PDXDC1: variants seen among roughly 807,000 people sequenced by gnomAD.
The protein encoded by PDXDC1 is pyridoxal dependent decarboxylase domain containing 1, also known as pyridoxal-dependent decarboxylase domain-containing protein 1.
PDXDC1 carries 42 observed loss-of-function variants against 100.1 expected under a neutral mutation model. That is an observed-to-expected ratio of 0.42 (90% confidence interval 0.33 to 0.54). The LOEUF is 0.54. PDXDC1 is among the 20% of genes least tolerant of loss of function. The probability of loss-of-function intolerance (pLI) is 0.10; values close to 1 mark genes in which losing one functional copy is unlikely to be tolerated. For synonymous variants in PDXDC1, 260 were observed against 371.7 expected (o/e 0.70, Z 3.46); for missense variants, 636 against 979.2 (o/e 0.65, Z 4.68).
In PDXDC1 at chr16:15,034,528, G is replaced by C; in HGVS notation, c.1977G>C (p.Lys659Asn). ...NWFSPVQALQ[K>N]GRTFNLTAGS... The stretch of plus-strand genomic sequence containing the variant: ...TTTCTCCGGTCCAGGCTTTACAGAA[G>C]GGAAGAACTTTTAACTTGACAGCAG... The change falls in exon 21 of 23, where the codon AAG (lysine) becomes AAC (asparagine). Residue 659 changes from lysine (K) to asparagine (N), a missense_variant. Physicochemically the swap from Lys to Asn is moderately conservative, Grantham distance 94 (BLOSUM62 0). Transcript: ENST00000396410. 6.2e-7 allele frequency: 1 copy of C among 1,613,972 alleles called. No homozygotes were observed. The highest frequency in any genetic ancestry group is 8.5e-7 in the Non-Finnish European group (1 of 1,179,894).
intron 16 of PDXDC1, among the ~76,000 whole-genome samples, chr16:15,053,901 A>G (rs970453636): frequency 1.3e-5 from 2 of 152,130 alleles, no homozygotes; most frequent in African/African-American, 4.8e-5. Context: ...CACAGAACAA[A>G]ACTAAGTCTC....
At chr16:14,989,526 G>T in intron 1 of PDXDC1, 1 of 1,610,418 alleles carries the variant, frequency 6.2e-7, no homozygotes, top group Non-Finnish European at 8.5e-7. Context: ...CACGCGCTCC[G>T]TGGGGTTGTT....
downstream of PDXDC1, among the ~76,000 whole-genome samples, chr16:15,141,054 C>T (rs963799214): frequency 2.7e-5 from 4 of 150,424 alleles, no homozygotes; most frequent in African/African-American, 1.0e-4. Flanking sequence ...CTACCGGCCT[C>T]CATCCCTGAG....
At chr16:15,011,638 T>C (rs1285733173) in intron 8 of PDXDC1, among the ~76,000 whole-genome samples, 2 of 107,276 alleles carry the variant, frequency 1.9e-5, no homozygotes, top group African/African-American at 7.8e-5. Flanking sequence ...TTTCTTTTTT[T>C]TTTTTTTTTT....
At chr16:15,065,521 T>C in intron 16 of PDXDC1, 1 of 622,726 alleles carries the variant, frequency 1.6e-6, no homozygotes, top group East Asian at 2.8e-5. Context: ...AAGCAGAAAG[T>C]AACACTTTTA....
chr16:14,990,114 C>T, intron 1 of PDXDC1: 2 of 1,472,942 alleles, frequency 1.4e-6, no homozygotes, highest in Non-Finnish European at 1.8e-6. Flanking sequence ...GGCCCAGCTG[C>T]TCGACAGCAG....
At chr16:15,101,773 G>A (rs551628608) in intron 16 of PDXDC1, among the ~76,000 whole-genome samples, 1 of 148,988 alleles carries the variant, frequency 6.7e-6, no homozygotes, top group East Asian at 2.0e-4. Context: ...CTCCTGGGCT[G>A]AAGGGAATCC....
rs1381380691 is a variant in PDXDC1, at chr16:15,036,271, G to A, written c.2363G>A (p.Arg788Lys). The A allele has an allele frequency of 6.2e-7, 1 of 1,613,406 alleles. No individual in the cohort carries two copies. The highest frequency in any genetic ancestry group is 8.5e-7 in the Non-Finnish European group (1 of 1,179,564). Residue 788 changes from arginine to lysine, a missense_variant, in exon 23 of 23, where the codon AGA becomes AAA. Coordinates refer to ENST00000396410, the MANE Select transcript of PDXDC1 (RefSeq NM_015027.4). The part of the protein sequence containing the change: ...HSQVEGPESL[R>K] ...CAGGTAGAAGGACCGGAGAGCTTAA[G>A]ATGAGACTCATTGTGTGGTTTGAGA... is the stretch of plus-strand genomic sequence containing the variant.
chr16:15,125,817 G>A (rs1384640351), intron 16 of PDXDC1: 38 of 1,084,452 alleles, frequency 3.5e-5, no homozygotes, highest in Admixed American at 9.2e-5. Context: ...CCTGCAGGAC[G>A]ACAGCAGTGG....
chr16:15,069,566 T>G (rs530267617), intron 16 of PDXDC1, among the ~76,000 whole-genome samples: 3 of 152,294 alleles, frequency 2.0e-5, no homozygotes, highest in East Asian at 1.9e-4. Context: ...CAGGCAGAGT[T>G]TAATCTATAT....
intron 12 of PDXDC1, among the ~76,000 whole-genome samples, chr16:15,021,022 TGCGTAGTGCTCTA>T (rs2042162881): frequency 6.6e-6 from 1 of 151,350 alleles, no homozygotes; most frequent in African/African-American, 2.4e-5. Flanking sequence ...GAAAAGTATT[TGCGTAGTGCTCTA>T]GCAGTAGTCC....
rs1464204850 is a variant in PDXDC1, at chr16:15,104,467, ACACAC to A, written c.1400-34411_1400-34407del. 2.4e-5 allele frequency: 16 copies of A among 674,084 alleles called. 3 individuals are homozygous for A. Among genetic ancestry groups the A allele is most frequent in the South Asian group, 4.8e-5 (2 of 41,334 alleles). 41.8% of individuals were successfully genotyped at this position (674,084 alleles called of 1,614,324 possible). A position where few individuals can be genotyped will look rare whatever the true frequency, so the allele number is the denominator to read the frequency against. ...CTGAGGGTGGAAGGGGAGTGAGCAG[ACACAC>A]TCGGGAGGTGTCTTGAGATTATCAT... is the stretch of plus-strand genomic sequence containing the variant. On this transcript the variant is annotated intron_variant, in intron 16 of 16. Transcript: ENST00000535621.
chr16:15,030,544 CAA>C (rs1156634836), intron 16 of PDXDC1, among the ~76,000 whole-genome samples: 37 of 38,386 alleles, frequency 9.6e-4, no homozygotes, highest in Middle Eastern at 0.033. Flanking sequence ...GACTCCATCT[CAA>C]AAAAAAAAAA....
intron 18 of PDXDC1, 27 bp downstream of exon 18, chr16:15,033,006 G>T (rs752173916): frequency 1.5e-6 from 2 of 1,368,888 alleles, no homozygotes; most frequent in Admixed American, 3.4e-5. Context: ...TAAGTCAGCT[G>T]TGGGGTTTGG....
chr16:15,025,397 A>AT (rs1266388725), intron 13 of PDXDC1: 2 of 152,428 alleles, frequency 1.3e-5, no homozygotes, highest in African/African-American at 4.8e-5. Flanking sequence ...GTGCGCCCCT[A>AT]TTTAAATATT....
intron 16 of PDXDC1, among the ~76,000 whole-genome samples, chr16:15,100,235 C>T (rs901914706): frequency 5.9e-5 from 9 of 152,286 alleles, no homozygotes; most frequent in African/African-American, 1.2e-4. Flanking sequence ...AAACCAATAG[C>T]ATGTATCTCA....
At chr16:15,064,639 GAAAAACA>G (rs1466241296) in intron 16 of PDXDC1, among the ~76,000 whole-genome samples, 4 of 152,142 alleles carry the variant, frequency 2.6e-5, no homozygotes, top group Admixed American at 6.5e-5. Context: ...ACAGTTTAAA[GAAAAACA>G]AAAAACAAAA....
intron 21 of PDXDC1, among the ~76,000 whole-genome samples, chr16:15,035,073 CCCTT>C (rs1336881451): frequency 1.3e-5 from 2 of 152,142 alleles, no homozygotes; most frequent in South Asian, 2.1e-4. Context: ...ACACTCGAGC[CCCTT>C]CCTTCATTCT....
chr16:15,063,476 A>G (rs2044806094), intron 16 of PDXDC1, among the ~76,000 whole-genome samples: 1 of 152,116 alleles, frequency 6.6e-6, no homozygotes, highest in South Asian at 2.1e-4. Flanking sequence ...TGGGAGGCTG[A>G]GGTGGGCAGA....
Sources: allele counts gnomAD v4.1 joint callset (sites outside exome capture counted in the v4.1 genomes callset), GRCh38; gene constraint gnomAD v4.1.1; transcripts MANE v1.5; gene names NCBI Gene and HGNC (gene_info 2026-07-23, HGNC 2026-07-21).